Variants in FMN2 observed in about 807,000 individuals in gnomAD.
FMN2 encodes formin 2.
A neutral mutation model predicts 142.3 loss-of-function variants in FMN2; 51 were observed. The observed-to-expected ratio is 0.36, with a 90% CI of 0.29 to 0.45. The LOEUF (loss-of-function observed/expected upper bound fraction) is 0.45, where lower values mean the gene tolerates loss of function less well. Ranked by LOEUF, FMN2 falls within the 20% of genes least tolerant of loss-of-function variation. The pLI, the probability that FMN2 is intolerant of heterozygous loss-of-function variation, is 1.00. For missense variants in FMN2, 1,936 were observed against 2,122.8 expected (o/e 0.91, Z 1.73); for synonymous variants, 882 against 869.8 (o/e 1.01, Z -0.25).
At chr1:240,422,222 CTA>C (rs1488898638) in intron 15 of FMN2, among the ~76,000 whole-genome samples, 1 of 152,150 alleles carries the variant, frequency 6.6e-6, no homozygotes, top group African/African-American at 2.4e-5. Flanking sequence ...ATGGTGTTGG[CTA>C]TTCCAGATCT....
chr1:240,364,175 A>T (rs1336639520), intron 14 of FMN2, among the ~76,000 whole-genome samples: 1 of 152,128 alleles, frequency 6.6e-6, no homozygotes, highest in Non-Finnish European at 1.5e-5. Flanking sequence ...TCATTGCTTG[A>T]CTGAAATACA....
intron 2 of FMN2, among the ~76,000 whole-genome samples, chr1:240,139,742 G>A (rs1382475692): frequency 6.6e-6 from 1 of 152,170 alleles, no homozygotes; most frequent in Admixed American, 6.5e-5. Flanking sequence ...GGAGACGAGG[G>A]GTGTAGGGTG....
intron 14 of FMN2, among the ~76,000 whole-genome samples, chr1:240,375,139 G>T (rs1299107162): frequency 6.6e-6 from 1 of 152,104 alleles, no homozygotes; most frequent in Non-Finnish European, 1.5e-5. Context: ...TTGATTGTTT[G>T]CCATCTTATG....
chr1:240,126,265 G>T (rs1662499981), intron 2 of FMN2, among the ~76,000 whole-genome samples: 1 of 152,140 alleles, frequency 6.6e-6, no homozygotes, highest in Non-Finnish European at 1.5e-5. Flanking sequence ...GAAAATGGCT[G>T]TTGGGGACAT....
chr1:240,149,517 G>T (rs975866830), intron 2 of FMN2, among the ~76,000 whole-genome samples: 3 of 152,124 alleles, frequency 2.0e-5, no homozygotes, highest in Non-Finnish European at 2.9e-5. Context: ...TTGCACTGAA[G>T]AGAATATAAG....
At chr1:240,404,185 A>G (rs1674077362) in intron 15 of FMN2, among the ~76,000 whole-genome samples, 1 of 152,208 alleles carries the variant, frequency 6.6e-6, no homozygotes, top group Admixed American at 6.5e-5. Flanking sequence ...AAAATATTTA[A>G]TCGGTTCTGA....
chr1:240,225,796 C>T (rs1346966043), intron 6 of FMN2, among the ~76,000 whole-genome samples: 3 of 152,032 alleles, frequency 2.0e-5, no homozygotes, highest in African/African-American at 7.2e-5. Flanking sequence ...CTCCAGGCAA[C>T]TATTTGTAAG....
At chr1:240,268,063 G>A (rs1024600509) in intron 7 of FMN2, among the ~76,000 whole-genome samples, 2 of 151,970 alleles carry the variant, frequency 1.3e-5, no homozygotes, top group African/African-American at 4.8e-5. Flanking sequence ...CAGCCACTGT[G>A]GAGAACAGTG....
intron 4 of FMN2, among the ~76,000 whole-genome samples, chr1:240,193,988 A>C (rs1045680020): frequency 6.6e-6 from 1 of 151,814 alleles, no homozygotes; most frequent in African/African-American, 2.4e-5. Flanking sequence ...TTCCTGTATG[A>C]TTGGCTGGCT....
chr1:240,136,091 GT>G (rs1283294424), intron 2 of FMN2, among the ~76,000 whole-genome samples: 1 of 151,776 alleles, frequency 6.6e-6, no homozygotes, highest in African/African-American at 2.4e-5. Flanking sequence ...ATACATATGT[GT>G]TTAAGCATAT....
intron 11 of FMN2, among the ~76,000 whole-genome samples, chr1:240,331,960 G>C (rs1440094072): frequency 1.3e-5 from 2 of 152,164 alleles, no homozygotes; most frequent in African/African-American, 4.8e-5. Context: ...TACTGAATGC[G>C]TATCACTTTT....
At chr1:240,137,069 CAAAAAAAAAAA>C (rs563163509) in intron 2 of FMN2, among the ~76,000 whole-genome samples, 1 of 76,198 alleles carries the variant, frequency 1.3e-5, no homozygotes, top group East Asian at 3.8e-4. Context: ...AACTCCGTCT[CAAAAAAAAAAA>C]AAAAAAAAAA....
intron 2 of FMN2, among the ~76,000 whole-genome samples, chr1:240,125,482 T>C (rs922177692): frequency 6.6e-6 from 1 of 152,180 alleles, no homozygotes; most frequent in Non-Finnish European, 1.5e-5. Context: ...AGAATGATGG[T>C]GTGTTAAATG....
chr1:240,306,946 C>A (rs770329717), intron 8 of FMN2, among the ~76,000 whole-genome samples: 2 of 152,186 alleles, frequency 1.3e-5, no homozygotes, highest in Non-Finnish European at 2.9e-5. Context: ...GCCATTCTCA[C>A]TGGTGTGAGA....
intron 4 of FMN2, among the ~76,000 whole-genome samples, chr1:240,189,369 AGGAGACAC>A (rs1665613720): frequency 6.6e-6 from 1 of 152,216 alleles, no homozygotes; most frequent in Non-Finnish European, 1.5e-5. Flanking sequence ...GGAGAAAATG[AGGAGACAC>A]ATACTTGGGT....
rs1186396133 is a variant in FMN2, at chr1:240,228,327, A to AAAAAAG, written c.4065+17114_4065+17119dup. ...TCAAAAAAAAAAAAAAAAAAAAAAAAAAAAAGAAAAAGAAAAAGAAAAAGA... is the reference window on the plus strand; with the variant it reads ...TCAAAAAAAAAAAAAAAAAAAAAAAAAAAAAGAAAAAGAAAAAGAAAAAGAAAAAGA... On this transcript the variant is annotated intron_variant, in intron 6 of 17. Coordinates refer to ENST00000319653, the MANE Select transcript of FMN2 (RefSeq NM_020066.5). Among the ~76,000 whole-genome samples, 402 of 78,170 alleles carry AAAAAAG rather than the reference A, an allele frequency of 5.1e-3. 1 individual carries two copies. The highest frequency in any genetic ancestry group is 0.015 in the Admixed American group (113 of 7,596). The allele number at this position is 78,170 out of a possible 152,430, so 51.3% of individuals were successfully genotyped here.
In FMN2 at chr1:240,377,101, T is replaced by C. The variant is rs1673073598; in HGVS notation, c.4859-15410T>C. On this transcript the variant is annotated intron_variant, in intron 14 of 17. Coordinates refer to ENST00000319653, the MANE Select transcript of FMN2 (RefSeq NM_020066.5). ...ACAAAATTGTATTTTATATTCATCC[T>C]CATAATTAGCATTTCCAGTTTATTT... Among the ~76,000 whole-genome samples, 4 of 152,340 alleles carry C rather than the reference T, an allele frequency of 2.6e-5. No homozygotes were observed. The South Asian group carries it at 8.3e-4, about 32-fold the overall frequency.
intron 15 of FMN2, among the ~76,000 whole-genome samples, chr1:240,420,171 C>G (rs764358412): frequency 2.0e-5 from 3 of 152,130 alleles, no homozygotes; most frequent in Non-Finnish European, 2.9e-5. Context: ...TGCTGATACC[C>G]CTCTTCCTGA....
chr1:240,228,219 C>T (rs1399846362), intron 6 of FMN2, among the ~76,000 whole-genome samples: 2 of 143,768 alleles, frequency 1.4e-5, no homozygotes, highest in Non-Finnish European at 1.5e-5. Context: ...AGGAGAATCG[C>T]TTGAACCCAG....
Sources: allele counts gnomAD v4.1 joint callset (sites outside exome capture counted in the v4.1 genomes callset), GRCh38; gene constraint gnomAD v4.1.1; transcripts MANE v1.5; gene names NCBI Gene and HGNC (gene_info 2026-07-23, HGNC 2026-07-21).